ADGRL2: variants seen among roughly 807,000 people sequenced by gnomAD.
ADGRL2 encodes calcium-independent alpha-latrotoxin receptor 2.
Under a neutral mutation model 157.4 loss-of-function variants are expected in ADGRL2, and 44 were observed. The observed-to-expected ratio is 0.28, with a 90% CI of 0.22 to 0.36. The LOEUF (loss-of-function observed/expected upper bound fraction) is 0.36. ADGRL2 is among the 10% of genes least tolerant of loss of function. The probability of loss-of-function intolerance (pLI) is 1.00; values close to 1 mark genes in which losing one functional copy is unlikely to be tolerated. For synonymous variants in ADGRL2, 585 were observed against 624.7 expected (o/e 0.94, Z 0.95); for missense variants, 1,510 against 1,768.9 (o/e 0.85, Z 2.63).
chr1:81,969,593 C>T (rs140342965), intron 15 of ADGRL2, among the ~76,000 whole-genome samples: 1 of 152,172 alleles, frequency 6.6e-6, no homozygotes, highest in African/African-American at 2.4e-5. Flanking sequence ...TATTAAGATA[C>T]AGTCGAATTT....
At chr1:81,615,975 T>C (rs1025881381) in intron 3 of ADGRL2, among the ~76,000 whole-genome samples, 4 of 152,146 alleles carry the variant, frequency 2.6e-5, no homozygotes, top group Non-Finnish European at 5.9e-5. Context: ...AGCTTCAGAC[T>C]GCAGGTATCA....
At chr1:81,424,482 G>A (rs2077177122) in intron 1 of ADGRL2, among the ~76,000 whole-genome samples, 1 of 152,222 alleles carries the variant, frequency 6.6e-6, no homozygotes, top group Non-Finnish European at 1.5e-5. Flanking sequence ...TTAGTGCCAG[G>A]AAGGTTTTTG....
At chr1:81,441,820 A>G (rs111615519) in intron 1 of ADGRL2, among the ~76,000 whole-genome samples, 3,600 of 152,002 alleles carry the variant, frequency 0.024, 74 homozygotes, top group African/African-American at 0.042. Flanking sequence ...TTATAGGTGT[A>G]AGCCACCACT....
At chr1:81,342,614 T>TA (rs1236035456) in intron 1 of ADGRL2, among the ~76,000 whole-genome samples, 12 of 152,340 alleles carry the variant, frequency 7.9e-5, no homozygotes, top group Non-Finnish European at 1.0e-4. Context: ...TAATAGGTTT[T>TA]AAAAAATCAA....
Position 81,966,576 on chromosome 1 carries a change from T to A in ADGRL2, c.2316T>A (p.Thr772=). Residue 772 remains threonine (T), a synonymous_variant, in exon 13 of 24, where the codon ACT becomes ACA. Coordinates refer to ENST00000686636, the MANE Select transcript of ADGRL2 (RefSeq NM_001366006.2). ...INKESSRVYL[T]DPVLFTLPHI... ...AAGAGTCCAGCCGAGTATACCTGAC[T>A]GATCCTGTGCTTTTTACCCTGCCAC... 6.2e-7 allele frequency: 1 copy of A among 1,614,104 alleles called. No individual in the cohort carries two copies. Among genetic ancestry groups the A allele is most frequent in the Non-Finnish European group, 8.5e-7 (1 of 1,179,984 alleles).
rs913548370 is a variant in ADGRL2, at chr1:81,411,081, A to C, written c.-301-33955A>C. 5.3e-5 allele frequency among the ~76,000 whole-genome samples: 8 copies of C among 152,328 alleles called. No homozygotes were observed. The East Asian group carries it at 1.2e-3, about 22-fold the overall frequency. Reference sequence around the variant, plus strand: ...TTAGTTGCCACTATTACTGGCTCCAAAATGATTGGAGGAGTAATTCAAATT... The same window carrying C: ...TTAGTTGCCACTATTACTGGCTCCACAATGATTGGAGGAGTAATTCAAATT... On this transcript the variant is annotated intron_variant, in intron 1 of 24. Transcript: ENST00000370721.
intron 2 of ADGRL2, among the ~76,000 whole-genome samples, chr1:81,849,812 T>C (rs2092932875): frequency 6.6e-6 from 1 of 151,948 alleles, no homozygotes; most frequent in South Asian, 2.1e-4. Context: ...GTTTATTTGC[T>C]TTATAATCTT....
chr1:81,511,375 CA>C (rs1406888661), intron 2 of ADGRL2, among the ~76,000 whole-genome samples: 2 of 93,560 alleles, frequency 2.1e-5, no homozygotes, highest in African/African-American at 9.0e-5. Context: ...GACCTTGTCT[CA>C]GAAAAAAAAA....
chr1:81,536,539 T>A (rs2079741904), intron 2 of ADGRL2, among the ~76,000 whole-genome samples: 2 of 152,344 alleles, frequency 1.3e-5, no homozygotes, highest in South Asian at 4.1e-4. Flanking sequence ...CAACTTCTAT[T>A]CTCATCTCTA....
chr1:81,495,423 G>C (rs1176178651), intron 2 of ADGRL2, among the ~76,000 whole-genome samples: 1 of 152,158 alleles, frequency 6.6e-6, no homozygotes, highest in African/African-American at 2.4e-5. Context: ...TTTCAAGTTT[G>C]TCAGTAATTA....
chr1:81,901,148 A>G (rs1277067819), intron 2 of ADGRL2, among the ~76,000 whole-genome samples: 2 of 152,188 alleles, frequency 1.3e-5, no homozygotes, highest in African/African-American at 4.8e-5. Flanking sequence ...ATAAAGAAAC[A>G]GAAAAGTTGA....
At chr1:81,439,163 T>G (rs2077462412) in intron 1 of ADGRL2, among the ~76,000 whole-genome samples, 1 of 152,232 alleles carries the variant, frequency 6.6e-6, no homozygotes, top group Non-Finnish European at 1.5e-5. Flanking sequence ...TTGTTATCAC[T>G]GCCAAATTTA....
chr1:81,384,422 A>G lies in ADGRL2; in HGVS notation c.-301-60614A>G, dbSNP rs1362469519. 2.6e-5 allele frequency among the ~76,000 whole-genome samples: 4 copies of G among 152,206 alleles called. No individual in the cohort carries two copies. In the East Asian group the frequency reaches 7.7e-4, roughly 29 times the overall value. ...AAGATATGGAGGAAAAAAATCTTAA[A>G]ACTCATTACCTGGTTGGGGAGTGTG... On this transcript the variant is annotated intron_variant, in intron 1 of 24. Transcript: ENST00000370721.
chr1:81,889,959 G>T (rs951993889), intron 2 of ADGRL2, among the ~76,000 whole-genome samples: 1 of 152,046 alleles, frequency 6.6e-6, no homozygotes, highest in African/African-American at 2.4e-5. Flanking sequence ...GGGTCACCTC[G>T]GTCTCCTCTG....
intron 2 of ADGRL2, among the ~76,000 whole-genome samples, chr1:81,549,935 A>ACT (rs10632385): frequency 0.62 from 94,766 of 151,732 alleles, 29,853 homozygotes; most frequent in East Asian, 0.67. Flanking sequence ...TAACCTGCTA[A>ACT]GATAGAAAAG....
chr1:81,587,984 T>C (rs1313243869), intron 3 of ADGRL2, among the ~76,000 whole-genome samples: 2 of 152,136 alleles, frequency 1.3e-5, no homozygotes, highest in African/African-American at 2.4e-5. Flanking sequence ...AGATGGGTGC[T>C]TAAGTCAGAA....
intron 1 of ADGRL2, among the ~76,000 whole-genome samples, chr1:81,830,166 A>G (rs1431445568): frequency 6.6e-6 from 1 of 152,152 alleles, no homozygotes; most frequent in Non-Finnish European, 1.5e-5. Flanking sequence ...CTATATCTTA[A>G]TCTGTTTTAT....
intron 2 of ADGRL2, among the ~76,000 whole-genome samples, chr1:81,859,797 A>G (rs1214984714): frequency 2.0e-5 from 3 of 152,182 alleles, no homozygotes; most frequent in African/African-American, 7.2e-5. Context: ...AAATAAAAGT[A>G]TTTTTAAGGA....
chr1:81,769,965 G>A lies in ADGRL2; in HGVS notation c.-101+8113G>A, dbSNP rs1250755070. On this transcript the variant is annotated intron_variant, in intron 2 of 20. Transcript: ENST00000359929. ...TGCAACCTCCACCCCTCAGGTTCAAGTGATTCTCCTGCCTCAGCCTCCCAA... is the reference window on the plus strand; with the variant it reads ...TGCAACCTCCACCCCTCAGGTTCAAATGATTCTCCTGCCTCAGCCTCCCAA... 5.3e-5 allele frequency among the ~76,000 whole-genome samples: 8 copies of A among 152,002 alleles called. No homozygotes were observed. In the East Asian group the frequency reaches 1.5e-3, roughly 29 times the overall value.
Sources: allele counts gnomAD v4.1 joint callset (sites outside exome capture counted in the v4.1 genomes callset), GRCh38; gene constraint gnomAD v4.1.1; transcripts MANE v1.5; gene names NCBI Gene and HGNC (gene_info 2026-07-23, HGNC 2026-07-21).